The following SPTLC1 variants were observed in gnomAD, a reference collection of about 807,000 sequenced individuals.
SPTLC1 encodes the protein serine palmitoyltransferase 1.
SPTLC1 carries 55 observed loss-of-function variants against 68.9 expected under a neutral mutation model. The ratio of observed to expected loss-of-function variants is 0.80; its 90% CI spans 0.64 to 1.00. The LOEUF (loss-of-function observed/expected upper bound fraction) is 1.00. Among genes scored for constraint, SPTLC1 ranks in the 50% least tolerant of loss-of-function variants. The probability of loss-of-function intolerance (pLI) is 0.00; values close to 1 mark genes in which losing one functional copy is unlikely to be tolerated. For synonymous variants in SPTLC1, 197 were observed against 201.6 expected (o/e 0.98, Z 0.19); for missense variants, 449 against 573.1 (o/e 0.78, Z 2.21).
At chr9:92,055,291 G>A in intron 8 of SPTLC1, 114 bp downstream of exon 8, 2 of 1,545,306 alleles carry the variant, frequency 1.3e-6, no homozygotes, top group Non-Finnish European at 1.7e-6. Context: ...ATATGCTTAT[G>A]AGGCCTAATG....
chr9:92,106,758 A>T (rs1836010273), intron 3 of SPTLC1, among the ~76,000 whole-genome samples: 1 of 151,948 alleles, frequency 6.6e-6, no homozygotes, highest in Non-Finnish European at 1.5e-5. Context: ...GGTTCCACCT[A>T]ATGAGAAAGG....
chr9:92,069,055 A>G (rs879926209), intron 5 of SPTLC1, among the ~76,000 whole-genome samples: 3 of 152,108 alleles, frequency 2.0e-5, no homozygotes, highest in African/African-American at 4.8e-5. Context: ...CCAGTCTTAG[A>G]GCGCTATGGG....
In SPTLC1 at chr9:92,034,849, C is replaced by A; in HGVS notation, c.1289G>T (p.Arg430Leu). ...ACACTTCTCTTCTTTCTCCAAGTAG[C>A]GCGCCTGAGTTAATGCAATACTTCT... is the stretch of plus-strand genomic sequence containing the variant. ...MNRSIALTQA[R>L]YLEKEEKCLP... Residue 430 changes from arginine (R) to leucine (L), a missense_variant, in exon 14 of 15, where the codon CGC becomes CTC. By Grantham distance (102) the Arg-to-Leu change is moderately radical (BLOSUM62 -2). Coordinates refer to ENST00000262554, the MANE Select transcript of SPTLC1 (RefSeq NM_006415.4). 6.2e-7 allele frequency: 1 copy of A among 1,614,096 alleles called. No homozygotes were observed. The highest frequency in any genetic ancestry group is 8.5e-7 in the Non-Finnish European group (1 of 1,180,028).
chr9:92,062,206 G>T (rs1378529399), intron 6 of SPTLC1, among the ~76,000 whole-genome samples: 1 of 152,110 alleles, frequency 6.6e-6, no homozygotes, highest in Non-Finnish European at 1.5e-5. Flanking sequence ...TTGGAAGAAA[G>T]AAAATTATCA....
intron 3 of SPTLC1, among the ~76,000 whole-genome samples, chr9:92,104,027 AC>A (rs1835860812): frequency 6.6e-6 from 1 of 151,916 alleles, no homozygotes; most frequent in African/African-American, 2.4e-5. Flanking sequence ...TCTTGTAGGC[AC>A]CCTCGCTGGG....
Position 92,057,055 on chromosome 9 carries a change from AT to A in SPTLC1, c.691-1562del, listed in dbSNP as rs558490628. On this transcript the variant is annotated intron_variant, in intron 7 of 14. Transcript: ENST00000262554. ...AAAAAACAATTAAATAAATCAGCTA[AT>A]CATACCACACGGTGATAATTTTTGT... 1.6e-3 allele frequency among the ~76,000 whole-genome samples: 251 copies of A among 152,354 alleles called. 1 individual carries two copies. Among genetic ancestry groups the A allele is most frequent in the African/African-American group, 5.8e-3 (240 of 41,584 alleles).
rs1009452207 is a variant in SPTLC1 at position 92,033,441 on chromosome 9, C to T, written c.1329-883G>A. ...AAACATCTGTTTCATGCATTTGACACATATTTATTGAGCTGTACTATGCTG... is the reference window on the plus strand; with the variant it reads ...AAACATCTGTTTCATGCATTTGACATATATTTATTGAGCTGTACTATGCTG... On this transcript the variant is annotated intron_variant, in intron 14 of 14. Transcript: ENST00000262554. Among the ~76,000 whole-genome samples the T allele has an allele frequency of 1.1e-4, 16 of 152,328 alleles. No individual in the cohort carries two copies. In the East Asian group the frequency reaches 2.3e-3, roughly 22 times the overall value.
At position 92,105,371 on chromosome 9, in the gene SPTLC1, T is replaced by A. The variant is rs1835920108; in HGVS notation, c.260+3369A>T. 4.6e-6 allele frequency: 7 copies of A among 1,514,854 alleles called. No individual in the cohort carries two copies. In the South Asian group the frequency reaches 7.2e-5, roughly 16 times the overall value. The allele number at this position is 1,514,854 out of a possible 1,614,324, so 93.8% of individuals were successfully genotyped here. ...GAACATGAGGTTGTTAAGTAGAACA[T>A]CAAAATTCAGGAGACTAAGAGAGCT... On this transcript the variant is annotated intron_variant, in intron 3 of 14. Coordinates refer to ENST00000262554, the MANE Select transcript of SPTLC1 (RefSeq NM_006415.4).
At chr9:92,033,790 G>A (rs966846355) in intron 14 of SPTLC1, among the ~76,000 whole-genome samples, 11 of 152,140 alleles carry the variant, frequency 7.2e-5, no homozygotes, top group East Asian at 1.9e-4. Context: ...CAAGTGATCT[G>A]CCCACCTCGG....
At chr9:92,103,047 T>C (rs929090678) in intron 3 of SPTLC1, among the ~76,000 whole-genome samples, 3 of 152,242 alleles carry the variant, frequency 2.0e-5, no homozygotes, top group African/African-American at 7.2e-5. Flanking sequence ...ATTGATCTAC[T>C]ATGAACTCGT....
intron 7 of SPTLC1, among the ~76,000 whole-genome samples, chr9:92,056,557 C>A (rs932495827): frequency 1.3e-5 from 2 of 152,114 alleles, no homozygotes; most frequent in African/African-American, 4.8e-5. Flanking sequence ...CACCTTCACA[C>A]ACTCTGCTCA....
At chr9:92,079,476 T>C in intron 5 of SPTLC1, 1 of 1,612,500 alleles carries the variant, frequency 6.2e-7, no homozygotes, top group Admixed American at 1.7e-5. Flanking sequence ...GGGAATTCAC[T>C]GTATTTGAAA....
intron 1 of SPTLC1, among the ~76,000 whole-genome samples, chr9:92,114,394 A>C (rs1248906363): frequency 6.6e-6 from 1 of 152,216 alleles, no homozygotes; most frequent in African/African-American, 2.4e-5. Flanking sequence ...TTATTATCTT[A>C]TGTATCTGAA....
intron 8 of SPTLC1, among the ~76,000 whole-genome samples, chr9:92,052,595 T>C (rs1156875154): frequency 6.6e-6 from 1 of 151,864 alleles, no homozygotes; most frequent in Non-Finnish European, 1.5e-5. Flanking sequence ...ACTGGCGTGA[T>C]CTCGGCTCAC....
chr9:92,080,489 C>G (rs1205303990), intron 4 of SPTLC1, among the ~76,000 whole-genome samples: 1 of 152,190 alleles, frequency 6.6e-6, no homozygotes. Flanking sequence ...ACAACTCTGT[C>G]AGACAAAAAG....
Position 92,059,209 on chromosome 9 carries a change from T to G in SPTLC1, c.660A>C (p.Leu220=), listed in dbSNP as rs765629683. The change falls in exon 7 of 15, where the codon CTA becomes CTC. Residue 220 remains leucine (L), a synonymous_variant. Transcript: ENST00000262554. ...KHNDMADLER[L]LKEQEIEDQK... is the part of the protein sequence containing the mutation. Reference sequence around the variant, plus strand: ...GATCTTCGATCTCTTGTTCTTTTAGTAGTCGCTCGAGGTCAGCCATGTCAT... The same window carrying G: ...GATCTTCGATCTCTTGTTCTTTTAGGAGTCGCTCGAGGTCAGCCATGTCAT... The G allele has an allele frequency of 6.2e-7, 1 of 1,613,980 alleles. No homozygotes were observed. The highest frequency in any genetic ancestry group is 8.5e-7 in the Non-Finnish European group (1 of 1,179,938).
chr9:92,040,617 G>C (rs1587907111), intron 12 of SPTLC1, among the ~76,000 whole-genome samples: 1 of 152,002 alleles, frequency 6.6e-6, no homozygotes, highest in East Asian at 1.9e-4. Context: ...AATTAGCCAG[G>C]TGTGGTGGCA....
rs567993882 is a variant in SPTLC1 at position 92,060,205 on chromosome 9, T to A, written c.561-897A>T. 4.6e-5 allele frequency among the ~76,000 whole-genome samples: 7 copies of A among 152,298 alleles called. No homozygotes were observed. The South Asian group carries it at 8.3e-4, about 18-fold the overall frequency. On this transcript the variant is annotated intron_variant, in intron 6 of 14. Coordinates refer to ENST00000262554, the MANE Select transcript of SPTLC1 (RefSeq NM_006415.4). ...CTAGCCCCTTCCCCTGTTGGAATCA[T>A]GTCAGAGAAAGCCAAATAAAAGAGA...
At chr9:92,047,810 A>G (rs111797956) in intron 9 of SPTLC1, 102 bp from the exon 10 acceptor site, 3 of 749,344 alleles carry the variant, frequency 4.0e-6, no homozygotes, top group Non-Finnish European at 4.7e-6. Context: ...CTGTCTGTTA[A>G]TATCTGGATT....
Sources: gnomAD v4.1 joint callset for allele counts (sites outside exome capture counted in the v4.1 genomes callset) on GRCh38, gnomAD v4.1.1 for gene constraint, MANE v1.5 for transcripts, NCBI Gene and HGNC (gene_info 2026-07-23, HGNC 2026-07-21) for gene names.